Variants in AGBL4 observed in about 807,000 individuals in gnomAD.
The protein encoded by AGBL4 is cytosolic carboxypeptidase 6.
Under a neutral mutation model 66.4 loss-of-function variants are expected in AGBL4, and 58 were observed. That is an observed-to-expected ratio of 0.87 (90% confidence interval 0.71 to 1.09). AGBL4 has a LOEUF of 1.09. Ranked by LOEUF, AGBL4 falls within the 50% of genes least tolerant of loss-of-function variation. AGBL4 has a pLI of 0.00. For missense variants in AGBL4, 579 were observed against 631.0 expected (o/e 0.92, Z 0.88); for synonymous variants, 234 against 222.9 (o/e 1.05, Z -0.44).
At chr1:48,985,108 G>A (rs989886713) in intron 5 of AGBL4, among the ~76,000 whole-genome samples, 1 of 152,062 alleles carries the variant, frequency 6.6e-6, no homozygotes, top group Non-Finnish European at 1.5e-5. Flanking sequence ...TGGAAAAATG[G>A]TTTACAAGAC....
intron 1 of AGBL4, among the ~76,000 whole-genome samples, chr1:49,948,189 A>AAT (rs1221481066): frequency 6.1e-5 from 6 of 98,738 alleles, no homozygotes; most frequent in African/African-American, 2.5e-4. Context: ...ACTATATATA[A>AAT]ATATATATAA....
chr1:49,470,289 C>A (rs539765170), intron 3 of AGBL4, among the ~76,000 whole-genome samples: 3 of 151,868 alleles, frequency 2.0e-5, no homozygotes, highest in African/African-American at 7.2e-5. Context: ...AGATTATACT[C>A]GCTCCATACA....
At chr1:49,670,145 T>G (rs1340683157) in intron 3 of AGBL4, among the ~76,000 whole-genome samples, 1 of 152,080 alleles carries the variant, frequency 6.6e-6, no homozygotes, top group Non-Finnish European at 1.5e-5. Flanking sequence ...GACAACAGAT[T>G]GAGAAGCACC....
At chr1:48,776,093 G>T (rs979853373) in intron 6 of AGBL4, among the ~76,000 whole-genome samples, 49 of 152,160 alleles carry the variant, frequency 3.2e-4, no homozygotes, top group African/African-American at 1.0e-3. Context: ...CCCTCTGTGA[G>T]GAGGGACTCC....
chr1:49,339,418 C>G (rs147186810), intron 3 of AGBL4, among the ~76,000 whole-genome samples: 1 of 152,254 alleles, frequency 6.6e-6, no homozygotes, highest in East Asian at 1.9e-4. Flanking sequence ...GGAAAAGATT[C>G]CTCAGGCTCA....
chr1:48,947,830 A>C (rs1224513594), intron 5 of AGBL4, among the ~76,000 whole-genome samples: 3 of 148,914 alleles, frequency 2.0e-5, no homozygotes, highest in Admixed American at 6.6e-5. Flanking sequence ...TTGTCCTTTA[A>C]ATTTTTTTTT....
intron 6 of AGBL4, among the ~76,000 whole-genome samples, chr1:48,813,265 A>G (rs1570732932): frequency 6.6e-6 from 1 of 152,172 alleles, no homozygotes; most frequent in Admixed American, 6.6e-5. Context: ...ATGTCTGCTG[A>G]GAGACATGAA....
intron 1 of AGBL4, among the ~76,000 whole-genome samples, chr1:49,944,390 AC>A (rs1224181031): frequency 6.6e-6 from 1 of 151,974 alleles, no homozygotes; most frequent in Admixed American, 6.6e-5. Context: ...TGTGCAGACA[AC>A]CCCCAGTAAC....
At chr1:48,991,072 C>G (rs1366829239) in intron 5 of AGBL4, among the ~76,000 whole-genome samples, 1 of 152,000 alleles carries the variant, frequency 6.6e-6, no homozygotes, top group Admixed American at 6.6e-5. Flanking sequence ...AGTTTTGTAC[C>G]TTCAGATGAT....
chr1:48,867,097 A>G (rs1482206541), intron 6 of AGBL4, 94 bp downstream of exon 6: 4 of 1,419,530 alleles, frequency 2.8e-6, no homozygotes, highest in Non-Finnish European at 3.9e-6. Context: ...TCAGGGAGCC[A>G]AAAGAGAAGG....
chr1:49,677,533 G>T (rs557406509), intron 3 of AGBL4, among the ~76,000 whole-genome samples: 1 of 151,900 alleles, frequency 6.6e-6, no homozygotes, highest in South Asian at 2.1e-4. Context: ...CATCCATATT[G>T]GTCTGTAGTT....
chr1:48,748,866 G>C (rs1490958801), intron 6 of AGBL4, among the ~76,000 whole-genome samples: 1 of 152,124 alleles, frequency 6.6e-6, no homozygotes, highest in Non-Finnish European at 1.5e-5. Flanking sequence ...TTTTCTGTGA[G>C]TGAGGGCAGG....
intron 1 of AGBL4, among the ~76,000 whole-genome samples, chr1:49,912,957 C>A (rs2148215382): frequency 6.6e-6 from 1 of 152,356 alleles, no homozygotes; most frequent in Non-Finnish European, 1.5e-5. Context: ...CTAATCACCT[C>A]TTAATGGTCC....
intron 1 of AGBL4, among the ~76,000 whole-genome samples, chr1:49,969,388 T>A (rs1332602170): frequency 1.3e-5 from 2 of 152,076 alleles, no homozygotes; most frequent in African/African-American, 4.8e-5. Flanking sequence ...TGTGTGTGTA[T>A]GTGTATGATA....
chr1:49,656,206 C>T (rs901158249), intron 3 of AGBL4, among the ~76,000 whole-genome samples: 1 of 151,752 alleles, frequency 6.6e-6, no homozygotes, highest in Non-Finnish European at 1.5e-5. Context: ...TATGAACTAC[C>T]ATCAGAGAAT....
intron 1 of AGBL4, among the ~76,000 whole-genome samples, chr1:49,881,852 A>G (rs1647361237): frequency 6.6e-6 from 1 of 151,560 alleles, no homozygotes; most frequent in Non-Finnish European, 1.5e-5. Context: ...GTTCACTCTG[A>G]TGGTAGTTTC....
chr1:48,914,336 G>A (rs1248229550), intron 5 of AGBL4, among the ~76,000 whole-genome samples: 1 of 152,142 alleles, frequency 6.6e-6, no homozygotes, highest in Non-Finnish European at 1.5e-5. Context: ...TAAAAAAACA[G>A]AACAGCATTT....
At chr1:49,780,128 C>A (rs1644300332) in intron 2 of AGBL4, among the ~76,000 whole-genome samples, 1 of 152,110 alleles carries the variant, frequency 6.6e-6, no homozygotes, top group African/African-American at 2.4e-5. Context: ...AGTTATTTAA[C>A]TTCCTTTAAC....
intron 4 of AGBL4, among the ~76,000 whole-genome samples, chr1:49,146,105 T>TGG (rs527753595): frequency 1.3e-5 from 2 of 151,964 alleles, no homozygotes; most frequent in South Asian, 4.2e-4. Context: ...GGAAGAGTAG[T>TGG]GGGGGTTGGG....
Sources: gnomAD v4.1 joint callset for allele counts (sites outside exome capture counted in the v4.1 genomes callset) on GRCh38, gnomAD v4.1.1 for gene constraint, MANE v1.5 for transcripts, NCBI Gene and HGNC (gene_info 2026-07-23, HGNC 2026-07-21) for gene names.